The following NUP155 variants were observed in gnomAD, a reference collection of about 807,000 sequenced individuals.
NUP155 encodes nuclear pore complex protein Nup155.
In NUP155, 71 loss-of-function variants were observed where a neutral mutation model predicts 180.4. That is an observed-to-expected ratio of 0.39 (90% CI 0.33 to 0.48). NUP155 has a LOEUF of 0.48. NUP155 is among the 20% of genes least tolerant of loss of function. The pLI, the probability that NUP155 is intolerant of heterozygous loss-of-function variation, is 0.91. For synonymous variants in NUP155, 582 were observed against 559.5 expected, an observed-to-expected ratio of 1.04 and a Z score of -0.57; for missense variants, 1,553 against 1,648.9, an observed-to-expected ratio of 0.94 and a Z score of 1.01.
intron 3 of NUP155, 80 bp downstream of exon 3, chr5:37,363,808 C>T: frequency 1.1e-6 from 1 of 930,648 alleles, no homozygotes; most frequent in South Asian, 1.3e-5. Context: ...AACCAAGCAG[C>T]TTCTAATGAG....
intron 33 of NUP155, 46 bp from the exon 34 acceptor site, chr5:37,293,031 T>C (rs758931228): frequency 2.4e-6 from 3 of 1,250,624 alleles, no homozygotes; most frequent in African/African-American, 1.5e-5. Flanking sequence ...ATTGTGTCAA[T>C]TGATTATTTA....
At chr5:37,329,938 C>T (rs1363811691) in intron 15 of NUP155, 100 bp downstream of exon 15, 1 of 824,246 alleles carries the variant, frequency 1.2e-6, no homozygotes, top group African/African-American at 1.7e-5. Flanking sequence ...CCTACATAGT[C>T]ACTCAACTGT....
chr5:37,302,729 T>G, intron 29 of NUP155, 50 bp downstream of exon 29: 4 of 1,596,710 alleles, frequency 2.5e-6, no homozygotes, highest in Non-Finnish European at 3.4e-6. Context: ...GTGGAATAAC[T>G]ATGTGGCTAG....
At chr5:37,331,437 G>A (rs1289113638) in intron 14 of NUP155, among the ~76,000 whole-genome samples, 1 of 152,202 alleles carries the variant, frequency 6.6e-6, no homozygotes, top group African/African-American at 2.4e-5. Context: ...AGTTGGGAGT[G>A]CTGGCACATG....
At chr5:37,324,562 C>CT (rs905305569) in intron 19 of NUP155, among the ~76,000 whole-genome samples, 8,270 of 145,966 alleles carry the variant, frequency 0.057, 702 homozygotes, top group African/African-American at 0.18. Context: ...GAAACTTGAA[C>CT]TTTTTTTTTT....
rs778679247 is a variant in NUP155 at position 37,314,316 on chromosome 5, C to T, written c.2318G>A (p.Ser773Asn). ...LQRKFHEAQL[S>N]EKISLQAIQQ... ...AATTGCCTGAAGTGAAATCTTTTCA[C>T]TTAGTTGAGCCTCTAATGAGAAAAC... Residue 773 changes from serine to asparagine, a missense_variant, in exon 22 of 35, where the codon AGT becomes AAT. By Grantham distance (46) the Ser-to-Asn change is conservative. Coordinates refer to ENST00000231498, the MANE Select transcript of NUP155 (RefSeq NM_153485.3). 7.5e-6 allele frequency: 12 copies of T among 1,605,282 alleles called. No individual in the cohort carries two copies. The highest frequency in any genetic ancestry group is 1.1e-5 in the South Asian group (1 of 90,412).
chr5:37,355,467 T>G (rs958229711), intron 4 of NUP155, among the ~76,000 whole-genome samples: 6 of 150,860 alleles, frequency 4.0e-5, no homozygotes, highest in African/African-American at 1.5e-4. Context: ...CCAAGGTGAC[T>G]CCACTGTACT....
At position 37,292,057 on chromosome 5, in the gene NUP155, A is replaced by G. The variant is rs1455453998; in HGVS notation, c.4038-19T>C. ...TCTTCTCCTACAACGAAAAAGACAC[A>G]TGATTAATTATACATTTACAAACAT... On this transcript the variant is annotated intron_variant, in intron 34 of 34. Coordinates refer to ENST00000231498, the MANE Select transcript of NUP155 (RefSeq NM_153485.3). 2 of 1,613,166 alleles carry G rather than the reference A, an allele frequency of 1.2e-6. No individual in the cohort carries two copies. Among genetic ancestry groups the G allele is most frequent in the Admixed American group, 1.7e-5 (1 of 60,018 alleles).
chr5:37,325,802 C>T, intron 19 of NUP155, 99 bp downstream of exon 19: 1 of 738,826 alleles, frequency 1.4e-6, no homozygotes, highest in Admixed American at 2.3e-5. Context: ...TAACCTTTGC[C>T]ATCTTATTTG....
intron 5 of NUP155, among the ~76,000 whole-genome samples, chr5:37,351,582 G>A (rs217774): frequency 0.029 from 4,340 of 151,918 alleles, 220 homozygotes; most frequent in African/African-American, 0.099. Context: ...GAGTAGCTGG[G>A]ACTACAGGCG....
intron 4 of NUP155, among the ~76,000 whole-genome samples, chr5:37,355,218 A>T (rs1030411384): frequency 2.0e-5 from 3 of 152,112 alleles, no homozygotes. Flanking sequence ...TCCTATAAAA[A>T]GGTACATTTG....
chr5:37,304,703 G>T, intron 27 of NUP155, 36 bp downstream of exon 27: 2 of 1,383,978 alleles, frequency 1.4e-6, no homozygotes, highest in Non-Finnish European at 2.1e-6. Context: ...TGCTCCTTAA[G>T]AATAATTAAC....
At chr5:37,334,029 G>A (rs1302612064) in intron 12 of NUP155, among the ~76,000 whole-genome samples, 10 of 151,724 alleles carry the variant, frequency 6.6e-5, no homozygotes, top group Admixed American at 3.3e-4. Context: ...TTGAACTCTC[G>A]ACCTCAGGTG....
intron 4 of NUP155, among the ~76,000 whole-genome samples, chr5:37,356,021 G>C (rs1192612857): frequency 6.6e-6 from 1 of 151,742 alleles, no homozygotes; most frequent in African/African-American, 2.4e-5. Context: ...CCTGAGGTCG[G>C]GAGTTCAAGA....
intron 18 of NUP155, among the ~76,000 whole-genome samples, chr5:37,326,932 C>A (rs1744635561): frequency 6.6e-6 from 1 of 152,158 alleles, no homozygotes; most frequent in Non-Finnish European, 1.5e-5. Context: ...ACCTATGCTA[C>A]CCCAGCACAT....
At position 37,291,711 on chromosome 5, in the gene NUP155, TA is replaced by T. The variant is rs1228690841; in HGVS notation, c.*188del. On this transcript the variant is annotated 3_prime_UTR_variant, in exon 35 of 35. Coordinates refer to ENST00000231498, the MANE Select transcript of NUP155 (RefSeq NM_153485.3). ...TTCAGTTGTTTTTTCACCCAATTAC[TA>T]AAAAACAAAATAGTCATAAAAAAGA... The T allele has an allele frequency of 2.0e-6, 1 of 495,144 alleles. No homozygotes were observed. The allele number at this position is 495,144 out of a possible 1,614,324, so 30.7% of individuals were successfully genotyped here. A position where few individuals can be genotyped will look rare whatever the true frequency, so the allele number is the denominator to read the frequency against.
chr5:37,316,979 C>T (rs1323113111), intron 21 of NUP155, among the ~76,000 whole-genome samples: 22 of 147,864 alleles, frequency 1.5e-4, no homozygotes, highest in Admixed American at 1.1e-3. Flanking sequence ...TGCTTAAACA[C>T]GGTGAAACCC....
At chr5:37,331,880 A>C in intron 13 of NUP155, 85 bp from the exon 14 acceptor site, 1 of 862,886 alleles carries the variant, frequency 1.2e-6, no homozygotes. Flanking sequence ...TGATAAAATA[A>C]ATGAAACAAA....
intron 31 of NUP155, 48 bp from the exon 32 acceptor site, chr5:37,299,026 G>A: frequency 1.9e-6 from 2 of 1,039,290 alleles, no homozygotes; most frequent in African/African-American, 1.6e-5. Flanking sequence ...CTTTTAATGT[G>A]AAATGTTTAC....
Sources: allele counts gnomAD v4.1 joint callset (sites outside exome capture counted in the v4.1 genomes callset), GRCh38; gene constraint gnomAD v4.1.1; transcripts MANE v1.5; gene names NCBI Gene and HGNC (gene_info 2026-07-23, HGNC 2026-07-21).